Variants in KDM8 observed in about 807,000 individuals in gnomAD.
KDM8 encodes the protein lysine demethylase 8.
A neutral mutation model predicts 46.9 loss-of-function variants in KDM8; 35 were observed. That is an observed-to-expected ratio of 0.75 (90% confidence interval 0.57 to 0.99). The LOEUF (loss-of-function observed/expected upper bound fraction) is 0.99. Among genes scored for constraint, KDM8 ranks in the 50% least tolerant of loss-of-function variants. KDM8 has a pLI of 0.00. For missense variants in KDM8, 475 were observed against 537.0 expected, an observed-to-expected ratio of 0.88 and a Z score of 1.14; for synonymous variants, 232 against 227.7, an observed-to-expected ratio of 1.02 and a Z score of -0.17.
intron 5 of KDM8, among the ~76,000 whole-genome samples, chr16:27,216,413 G>A (rs1342523523): frequency 6.6e-6 from 1 of 152,166 alleles, no homozygotes; most frequent in Non-Finnish European, 1.5e-5. Context: ...GATGGAGCTG[G>A]GGCGCCCAGG....
At chr16:27,210,009 A>G in intron 1 of KDM8, 84 bp from the exon 2 acceptor site, 3 of 1,394,216 alleles carry the variant, frequency 2.2e-6, no homozygotes, top group Non-Finnish European at 2.9e-6. Flanking sequence ...AAATCCTCGC[A>G]GATGAGATGC....
At position 27,220,757 on chromosome 16, in the gene KDM8, C is replaced by T; in HGVS notation, c.*27C>T. The T allele has an allele frequency of 6.2e-7, 1 of 1,612,498 alleles. No homozygotes were observed. The highest frequency in any genetic ancestry group is 8.5e-7 in the Non-Finnish European group (1 of 1,178,498). On this transcript the variant is annotated 3_prime_UTR_variant, in exon 8 of 8. Transcript: ENST00000286096. Reference sequence around the variant, plus strand: ...CAGGATAGGAGCTGAAAGGGCCTGACATGCAGACAGCATTCATCTGTTCAC... The same window carrying T: ...CAGGATAGGAGCTGAAAGGGCCTGATATGCAGACAGCATTCATCTGTTCAC...
chr16:27,212,270 G>A (rs2083492853), intron 2 of KDM8, among the ~76,000 whole-genome samples: 1 of 152,230 alleles, frequency 6.6e-6, no homozygotes, highest in Non-Finnish European at 1.5e-5. Flanking sequence ...TAGCAAAACA[G>A]CATTTCATCT....
At chr16:27,203,944 G>A in intron 1 of KDM8, 1 of 590,114 alleles carries the variant, frequency 1.7e-6, no homozygotes. Context: ...GTGCGCTTTA[G>A]CGGTTCTTGG....
intron 3 of KDM8, chr16:27,214,590 A>C: frequency 5.3e-6 from 2 of 378,114 alleles, no homozygotes; most frequent in South Asian, 4.0e-5. Flanking sequence ...TGAGCAAAGA[A>C]AGAAGTGAGG....
chr16:27,208,553 A>G (rs1344744599), intron 1 of KDM8, among the ~76,000 whole-genome samples: 1 of 152,210 alleles, frequency 6.6e-6, no homozygotes, highest in Non-Finnish European at 1.5e-5. Context: ...TAGTAGGGCA[A>G]TAAATGGTCT....
At position 27,210,587 on chromosome 16, in the gene KDM8, C is replaced by T. The variant is rs1239608996; in HGVS notation, c.464C>T (p.Ala155Val). The T allele has an allele frequency of 6.6e-7, 1 of 1,515,818 alleles. No homozygotes were observed. Among genetic ancestry groups the T allele is most frequent in the South Asian group, 1.3e-5 (1 of 75,216 alleles). 93.9% of individuals were successfully genotyped at this position (1,515,818 alleles called of 1,614,324 possible). A position where few individuals can be genotyped will look rare whatever the true frequency, so the allele number is the denominator to read the frequency against. The stretch of plus-strand genomic sequence containing the variant: ...ACACACCTCCCTGGAAAGAGGCCTG[C>T]CCGTGGCTCCCTCCCAGAGCAACCC... ...LQTHLPGKRP[A>V]RGSLPEQPCT... Residue 155 changes from alanine (A) to valine (V), a missense_variant, in exon 2 of 8, where the codon GCC (alanine) becomes GTC (valine). Ala to Val is a moderately conservative substitution (Grantham distance 64). Transcript: ENST00000286096.
At chr16:27,204,193 G>C in intron 1 of KDM8, 1 of 1,475,596 alleles carries the variant, frequency 6.8e-7, no homozygotes, top group Non-Finnish European at 9.0e-7. Flanking sequence ...GGACCCTCTG[G>C]GGCCTGGGTG....
At chr16:27,208,398 A>G (rs906289412) in intron 1 of KDM8, among the ~76,000 whole-genome samples, 1 of 152,210 alleles carries the variant, frequency 6.6e-6, no homozygotes, top group Admixed American at 6.5e-5. Flanking sequence ...GTCACCCTGA[A>G]ACACCAATTT....
intron 1 of KDM8, chr16:27,203,946 G>T (rs877585): frequency 1.7e-6 from 1 of 587,540 alleles, no homozygotes; most frequent in Non-Finnish European, 2.9e-6. Flanking sequence ...GCGCTTTAGC[G>T]GTTCTTGGCG....
chr16:27,205,441 C>T (rs574196992), intron 1 of KDM8, among the ~76,000 whole-genome samples: 1 of 152,266 alleles, frequency 6.6e-6, no homozygotes, highest in African/African-American at 2.4e-5. Flanking sequence ...CACTTGATCT[C>T]CCCCTGAAAG....
intron 2 of KDM8, chr16:27,211,306 C>T (rs905195096): frequency 9.6e-6 from 4 of 417,994 alleles, no homozygotes; most frequent in African/African-American, 2.1e-5. Flanking sequence ...GCGATACCTC[C>T]AGCTGCTCCT....
Position 27,214,772 on chromosome 16 carries a change from C to T in KDM8, c.666-104C>T, listed in dbSNP as rs562023982. On this transcript the variant is annotated intron_variant, in intron 3 of 7. Transcript: ENST00000286096. ...GGGGATGACAGTCCTTGTCTCTGCA[C>T]GTGAGGTTTTCCGAGGATGAAAGGG... is the stretch of plus-strand genomic sequence containing the variant. The T allele has an allele frequency of 1.4e-4, 185 of 1,299,210 alleles. 1 individual carries two copies. The Middle Eastern group carries it at 2.0e-3, about 14-fold the overall frequency. The allele number at this position is 1,299,210 out of a possible 1,614,324, so 80.5% of individuals were successfully genotyped here.
intron 1 of KDM8, among the ~76,000 whole-genome samples, chr16:27,208,631 C>T (rs1447716693): frequency 6.6e-6 from 1 of 151,816 alleles, no homozygotes; most frequent in Non-Finnish European, 1.5e-5. Context: ...CTTTTGGATG[C>T]TCAAGATGAG....
In KDM8 at chr16:27,220,548, G is replaced by A. The variant is rs760567861; in HGVS notation, c.1087-18G>A. ...CCCCACTGCCCCTGGAGATGATGAC[G>A]TCCTTTGCTTTCTTCAGGTTGACGT... On this transcript the variant is annotated intron_variant, in intron 7 of 7. Transcript: ENST00000286096. The A allele has an allele frequency of 1.7e-5, 28 of 1,614,050 alleles. No individual in the cohort carries two copies. Among genetic ancestry groups the A allele is most frequent in the East Asian group, 1.1e-4 (5 of 44,890 alleles).
intron 5 of KDM8, 69 bp from the exon 6 acceptor site, chr16:27,218,892 T>G: frequency 6.4e-7 from 1 of 1,564,864 alleles, no homozygotes; most frequent in Non-Finnish European, 8.8e-7. Context: ...TTCTGACTCT[T>G]CGTTGGCCTC....
rs2083610729 is a variant in KDM8, at chr16:27,220,614, GC to G, written c.1139del (p.Pro380HisfsTer17). ...GGAAAAGTTCCCCAAGTTTGCCAAG[GC>G]CCCATTCCTGTCCTGCATCCTGTCT... Reference protein sequence around the residue: ...DLEKFPKFAKAPFLSCILSPG... With the variant: ...DLEKFPKFAKXPFLSCILSPG... On this transcript the variant is annotated frameshift_variant, in exon 8 of 8. Transcript: ENST00000286096. LOFTEE classifies it high-confidence loss of function. The G allele has an allele frequency of 6.2e-7, 1 of 1,614,002 alleles. No homozygotes were observed. Among genetic ancestry groups the G allele is most frequent in the Non-Finnish European group, 8.5e-7 (1 of 1,180,018 alleles).
intron 1 of KDM8, chr16:27,203,998 C>G: frequency 9.6e-7 from 1 of 1,039,090 alleles, no homozygotes. Flanking sequence ...GGGTTTTATA[C>G]TCTGCTATAT....
chr16:27,204,318 CG>C, intron 1 of KDM8: 1 of 1,372,374 alleles, frequency 7.3e-7, no homozygotes, highest in Non-Finnish European at 9.4e-7. Flanking sequence ...GGAGCAAGCC[CG>C]GGGACAGGAG....
Sources: gnomAD v4.1 joint callset for allele counts (sites outside exome capture counted in the v4.1 genomes callset) on GRCh38, gnomAD v4.1.1 for gene constraint, MANE v1.5 for transcripts, NCBI Gene and HGNC (gene_info 2026-07-23, HGNC 2026-07-21) for gene names.